Variants in TET3 observed in about 807,000 individuals in gnomAD.
The protein encoded by TET3 is tet methylcytosine dioxygenase 3.
Under a neutral mutation model 141.4 loss-of-function variants are expected in TET3, and 19 were observed. The observed-to-expected ratio is 0.13, with a 90% CI of 0.09 to 0.20. The LOEUF (loss-of-function observed/expected upper bound fraction) is 0.20. TET3 is among the 10% of genes least tolerant of loss of function. The pLI, the probability that TET3 is intolerant of heterozygous loss-of-function variation, is 1.00. For missense variants in TET3, 1,874 were observed against 2,356.9 expected, an observed-to-expected ratio of 0.80 and a Z score of 4.24; for synonymous variants, 1,043 against 980.9, an observed-to-expected ratio of 1.06 and a Z score of -1.18.
chr2:74,061,819 G>A (rs1688605040), intron 4 of TET3, among the ~76,000 whole-genome samples: 1 of 120,578 alleles, frequency 8.3e-6, no homozygotes, highest in South Asian at 2.4e-4. Flanking sequence ...CATCTCAGAC[G>A]ATGGGCGGCC....
chr2:74,130,440 T>G, the TET3 span: 1 of 151,930 alleles, frequency 6.6e-6, no homozygotes, highest in Non-Finnish European at 1.5e-5. Flanking sequence ...GGGCAGGGAG[T>G]GGAGAGGCGG....
chr2:74,065,676 TC>T (rs1688854207), intron 4 of TET3, among the ~76,000 whole-genome samples: 1 of 151,144 alleles, frequency 6.6e-6, no homozygotes, highest in Non-Finnish European at 1.5e-5. Context: ...TTTCTTTCTT[TC>T]CCTTTCTTTT....
At chr2:74,091,566 T>G (rs933947645) in intron 8 of TET3, among the ~76,000 whole-genome samples, 2 of 152,242 alleles carry the variant, frequency 1.3e-5, no homozygotes, top group African/African-American at 4.8e-5. Flanking sequence ...GGTGGCAGCA[T>G]CTGGACATCA....
At chr2:74,052,443 A>G (rs1393959522) in intron 4 of TET3, among the ~76,000 whole-genome samples, 2 of 152,034 alleles carry the variant, frequency 1.3e-5, no homozygotes, top group African/African-American at 4.8e-5. Flanking sequence ...GGTTAATATA[A>G]GGAAGAATTT....
At chr2:74,050,390 C>G (rs1257903330) in intron 4 of TET3, among the ~76,000 whole-genome samples, 1 of 152,064 alleles carries the variant, frequency 6.6e-6, no homozygotes, top group East Asian at 1.9e-4. Context: ...GTTATCAAGC[C>G]TATCAAGTCC....
At chr2:74,109,823 A>G (rs933243051), downstream of TET3, among the ~76,000 whole-genome samples, 7 of 152,208 alleles carry the variant, frequency 4.6e-5, 1 homozygote, top group African/African-American at 1.7e-4. Context: ...GCCAAGCACA[A>G]AGACACCAAG....
chr2:73,987,033 C>G (rs1448346611), intron 2 of TET3, among the ~76,000 whole-genome samples: 3 of 152,180 alleles, frequency 2.0e-5, no homozygotes, highest in Non-Finnish European at 4.4e-5. Context: ...CAAGCTCATG[C>G]TAATGCTTGG....
chr2:74,000,971 T>C lies in TET3; in HGVS notation c.304-2139T>C, dbSNP rs542063383. ...CTCTCCTATCCAGCAGCAGACTGTA[T>C]GGGGGGTAGGTGTGAGGGCAGGGGT... On this transcript the variant is annotated intron_variant, in intron 2 of 11. Coordinates refer to ENST00000409262, the MANE Select transcript of TET3 (RefSeq NM_001287491.2). Among the ~76,000 whole-genome samples the C allele has an allele frequency of 2.6e-5, 4 of 152,176 alleles. No homozygotes were observed. In the South Asian group the frequency reaches 8.3e-4, roughly 32 times the overall value.
downstream of TET3, among the ~76,000 whole-genome samples, chr2:74,109,158 G>C (rs1249425658): frequency 6.6e-6 from 1 of 152,182 alleles, no homozygotes; most frequent in Non-Finnish European, 1.5e-5. Flanking sequence ...TCCATCTGCA[G>C]AGCCTGAAGG....
intron 2 of TET3, among the ~76,000 whole-genome samples, chr2:73,990,128 T>C (rs1264639202): frequency 2.0e-5 from 3 of 152,056 alleles, no homozygotes; most frequent in Non-Finnish European, 4.4e-5. Flanking sequence ...GTATGGTGGC[T>C]TACTCCTGTA....
intron 6 of TET3, among the ~76,000 whole-genome samples, chr2:74,082,938 C>G (rs576235147): frequency 8.5e-5 from 13 of 152,280 alleles, no homozygotes; most frequent in African/African-American, 2.9e-4. Context: ...GTGCATGTCC[C>G]CACCCTGCCT....
At position 74,080,483 on chromosome 2, in the gene TET3, T is replaced by C. The variant is rs762549365; in HGVS notation, c.2586-15T>C. 14 of 1,609,410 alleles carry C rather than the reference T, an allele frequency of 8.7e-6. No homozygotes were observed. Among genetic ancestry groups the C allele is most frequent in the East Asian group, 2.2e-5 (1 of 44,788 alleles). ...GTTCTGCTGTGCTAATGGTGGCTTC[T>C]GTCTCCCTCTTCAGGTATGGAGAGA... On this transcript the variant is annotated splice_polypyrimidine_tract_variant and intron_variant, in intron 5 of 11. Coordinates refer to ENST00000409262, the MANE Select transcript of TET3 (RefSeq NM_001287491.2).
intron 10 of TET3, among the ~76,000 whole-genome samples, chr2:74,098,343 TG>T (rs953271448): frequency 6.6e-6 from 1 of 152,210 alleles, no homozygotes; most frequent in Non-Finnish European, 1.5e-5. Context: ...CTAATCATAT[TG>T]GGGGAGAATA....
intron 3 of TET3, among the ~76,000 whole-genome samples, chr2:74,042,037 T>G (rs1375449279): frequency 6.6e-6 from 1 of 152,244 alleles, no homozygotes; most frequent in African/African-American, 2.4e-5. Context: ...TTGATAAATA[T>G]GTTGAACAGG....
intron 2 of TET3, among the ~76,000 whole-genome samples, chr2:73,995,202 C>A (rs971108864): frequency 6.6e-6 from 1 of 152,220 alleles, no homozygotes; most frequent in Non-Finnish European, 1.5e-5. Context: ...TCAGGCGATC[C>A]GCCTACCTTG....
chr2:74,039,453 CTT>C (rs1687232110), intron 3 of TET3, among the ~76,000 whole-genome samples: 10 of 152,166 alleles, frequency 6.6e-5, no homozygotes, highest in Admixed American at 6.5e-4. Context: ...AGGGCATTGA[CTT>C]ATATATAGGC....
intron 3 of TET3, among the ~76,000 whole-genome samples, chr2:74,019,517 GC>G (rs1159963115): frequency 1.3e-5 from 2 of 152,170 alleles, no homozygotes; most frequent in Non-Finnish European, 2.9e-5. Flanking sequence ...AATACTGTGT[GC>G]CTGAGTGTGA....
At chr2:74,076,645 C>T (rs960568505) in intron 5 of TET3, among the ~76,000 whole-genome samples, 2 of 151,052 alleles carry the variant, frequency 1.3e-5, no homozygotes, top group Non-Finnish European at 3.0e-5. Flanking sequence ...ATTTCATCAC[C>T]TGTTAGTTTT....
At chr2:74,009,469 C>G (rs1234113877) in intron 3 of TET3, among the ~76,000 whole-genome samples, 1 of 152,210 alleles carries the variant, frequency 6.6e-6, no homozygotes, top group African/African-American at 2.4e-5. Context: ...CCCTGCTGGA[C>G]CCAGAGAGAG....
Sources: gnomAD v4.1 joint callset for allele counts (sites outside exome capture counted in the v4.1 genomes callset) on GRCh38, gnomAD v4.1.1 for gene constraint, MANE v1.5 for transcripts, NCBI Gene and HGNC (gene_info 2026-07-23, HGNC 2026-07-21) for gene names.